The following STARD13 variants were observed in gnomAD, a reference collection of about 807,000 sequenced individuals.
STARD13 encodes the protein stAR-related lipid transfer protein 13.
In STARD13, 62 loss-of-function variants were observed where a neutral mutation model predicts 106.4. That is an observed-to-expected ratio of 0.58 (90% confidence interval 0.48 to 0.72). STARD13 has a LOEUF of 0.72. Among genes scored for constraint, STARD13 ranks in the 30% least tolerant of loss-of-function variants. STARD13 has a pLI of 0.00. For synonymous variants in STARD13, 565 were observed against 553.0 expected (o/e 1.02, Z -0.31); for missense variants, 1,387 against 1,424.0 (o/e 0.97, Z 0.42).
At chr13:33,143,925 C>A (rs1036232383) in intron 3 of STARD13, among the ~76,000 whole-genome samples, 3 of 152,156 alleles carry the variant, frequency 2.0e-5, no homozygotes, top group Non-Finnish European at 2.9e-5. Context: ...CTATTAATAG[C>A]AATAGTCACA....
At chr13:33,404,418 A>T in the STARD13 span, among the ~76,000 whole-genome samples, 1 of 152,234 alleles carries the variant, frequency 6.6e-6, no homozygotes, top group African/African-American at 2.4e-5. Flanking sequence ...AGTCTGACTA[A>T]TGGAAGAAAT....
At chr13:33,475,684 T>C in the STARD13 span, among the ~76,000 whole-genome samples, 21 of 152,260 alleles carry the variant, frequency 1.4e-4, no homozygotes, top group African/African-American at 4.6e-4. Context: ...GTAGGCCAGG[T>C]GTGGTGGTCA....
At chr13:33,527,623 T>C in the STARD13 span, among the ~76,000 whole-genome samples, 6 of 151,858 alleles carry the variant, frequency 4.0e-5, no homozygotes, top group Admixed American at 1.3e-4. Context: ...CCAGGAGAAA[T>C]AAAGAGTTGA....
At chr13:33,457,565 G>A in the STARD13 span, among the ~76,000 whole-genome samples, 23 of 152,240 alleles carry the variant, frequency 1.5e-4, no homozygotes, top group East Asian at 3.5e-3. Flanking sequence ...TAGTCCATTC[G>A]GGCTGCTATA....
chr13:33,538,872 C>T, the STARD13 span, among the ~76,000 whole-genome samples: 1 of 151,830 alleles, frequency 6.6e-6, no homozygotes, highest in Non-Finnish European at 1.5e-5. Flanking sequence ...CGGGTTCACA[C>T]CATTCTCCTG....
the STARD13 span, among the ~76,000 whole-genome samples, chr13:33,642,899 G>A: frequency 6.7e-6 from 1 of 149,940 alleles, no homozygotes; most frequent in African/African-American, 2.5e-5. Context: ...TGAGATCAAG[G>A]AAGCCAGGTT....
the STARD13 span, among the ~76,000 whole-genome samples, chr13:33,632,177 C>T: frequency 1.3e-5 from 2 of 152,272 alleles, no homozygotes; most frequent in Admixed American, 1.3e-4. Flanking sequence ...AGCCAAAGAA[C>T]ACATATGAGT....
the STARD13 span, among the ~76,000 whole-genome samples, chr13:33,556,447 T>G: frequency 6.6e-6 from 1 of 151,928 alleles, no homozygotes; most frequent in South Asian, 2.1e-4. Flanking sequence ...CCCAGCTAAT[T>G]CTTTTTTATT....
intron 3 of STARD13, among the ~76,000 whole-genome samples, chr13:33,163,638 TAAC>T (rs1390870817): frequency 2.8e-5 from 3 of 108,146 alleles, no homozygotes; most frequent in African/African-American, 4.8e-5. Flanking sequence ...CATATATATA[TAAC>T]ATATATATAT....
At chr13:33,300,789 C>A (rs1268161651) in intron 1 of STARD13, among the ~76,000 whole-genome samples, 2 of 152,120 alleles carry the variant, frequency 1.3e-5, no homozygotes, top group Non-Finnish European at 2.9e-5. Flanking sequence ...TTTAAAAGGG[C>A]CCGCAGGTCC....
At chr13:33,419,163 T>C in the STARD13 span, among the ~76,000 whole-genome samples, 23,668 of 151,952 alleles carry the variant, frequency 0.16, 4,391 homozygotes, top group African/African-American at 0.44. Flanking sequence ...AAGAACAAAC[T>C]TGTCCAAGCT....
At chr13:33,249,610 T>C (rs1889995372) in intron 1 of STARD13, among the ~76,000 whole-genome samples, 1 of 152,162 alleles carries the variant, frequency 6.6e-6, no homozygotes, top group Non-Finnish European at 1.5e-5. Flanking sequence ...ATTTTGCAAT[T>C]AAGGAAACTA....
At chr13:33,592,493 G>T in the STARD13 span, among the ~76,000 whole-genome samples, 1 of 152,066 alleles carries the variant, frequency 6.6e-6, no homozygotes, top group African/African-American at 2.4e-5. Flanking sequence ...CTTGCCAGGG[G>T]TCAACTGTTT....
chr13:33,577,450 T>C, the STARD13 span, among the ~76,000 whole-genome samples: 1 of 152,180 alleles, frequency 6.6e-6, no homozygotes, highest in Non-Finnish European at 1.5e-5. Flanking sequence ...AAATTTTATC[T>C]GAATGAAAAG....
At chr13:33,202,815 C>G (rs1394584146) in intron 1 of STARD13, among the ~76,000 whole-genome samples, 1 of 152,074 alleles carries the variant, frequency 6.6e-6, no homozygotes, top group African/African-American at 2.4e-5. Flanking sequence ...GTGAAGTCAT[C>G]TGGTGGGTGG....
At chr13:33,659,025 T>C in the STARD13 span, among the ~76,000 whole-genome samples, 1 of 152,072 alleles carries the variant, frequency 6.6e-6, no homozygotes, top group Admixed American at 6.5e-5. Context: ...TGGAAGCTCT[T>C]TGCCCCCTTC....
chr13:33,266,493 C>CTCAAACTT (rs796194682), intron 1 of STARD13, among the ~76,000 whole-genome samples: 37 of 152,312 alleles, frequency 2.4e-4, no homozygotes, highest in African/African-American at 8.9e-4. Context: ...GCAGTCTGGC[C>CTCAAACTT]TCAAACTTTT....
At position 33,104,388 on chromosome 13, in the gene STARD13, T is replaced by C. The variant is rs1873443024; in HGVS notation, c.*1205A>G. 6.6e-6 allele frequency: 1 copy of C among 152,656 alleles called. No individual in the cohort carries two copies. The highest frequency in any genetic ancestry group is 1.5e-5 in the Non-Finnish European group (1 of 68,028). The allele number at this position is 152,656 out of a possible 1,614,324, so 9.5% of individuals were successfully genotyped here. On this transcript the variant is annotated 3_prime_UTR_variant, in exon 14 of 14. Coordinates refer to ENST00000336934, the MANE Select transcript of STARD13 (RefSeq NM_178006.4). ...TAAACCCGATTATACTATCTAAAAC[T>C]AATCAAAGAACATAGTTTTGGTCTC...
chr13:33,130,064 C>G lies in STARD13; in HGVS notation c.613G>C (p.Gly205Arg). ...VCSIHSESSG[G>R]SDSRSQPGQC... ...CCCGGCTGGCTGCGACTGTCGCTGC[C>G]TCCACTGCTTTCGCTGTGAATGGAG... Residue 205 changes from glycine to arginine, a missense_variant, in exon 5 of 14, where the codon GGC (glycine) becomes CGC (arginine). Gly to Arg is a moderately radical substitution (Grantham distance 125). Coordinates refer to ENST00000336934, the MANE Select transcript of STARD13 (RefSeq NM_178006.4). This position sits in a 1 kb window ranked among gnomAD's most constrained non-coding sequence, Gnocchi z 4.1. 1 of 1,613,934 alleles carries G rather than the reference C, an allele frequency of 6.2e-7. No individual in the cohort carries two copies. Among genetic ancestry groups the G allele is most frequent in the Non-Finnish European group, 8.5e-7 (1 of 1,179,970 alleles).
Sources: allele counts gnomAD v4.1 joint callset (sites outside exome capture counted in the v4.1 genomes callset), GRCh38; gene constraint gnomAD v4.1.1; non-coding constraint Gnocchi (gnomAD v3.1); transcripts MANE v1.5; gene names NCBI Gene and HGNC (gene_info 2026-07-23, HGNC 2026-07-21).